SRRM4: variants seen among roughly 807,000 people sequenced by gnomAD.
SRRM4 encodes serine/arginine repetitive matrix 4, also known as serine/arginine repetitive matrix protein 4.
Under a neutral mutation model 68.9 loss-of-function variants are expected in SRRM4, and 33 were observed. The ratio of observed to expected loss-of-function variants is 0.48; its 90% CI spans 0.36 to 0.64. The LOEUF (loss-of-function observed/expected upper bound fraction) is 0.64, where lower values mean the gene tolerates loss of function less well. Among genes scored for constraint, SRRM4 ranks in the 30% least tolerant of loss-of-function variants. The pLI is 0.00. For missense variants in SRRM4, 817 were observed against 827.1 expected (o/e 0.99, Z 0.15); for synonymous variants, 318 against 318.8 (o/e 1.00, Z 0.03).
At chr12:119,005,016 C>T (rs941313978) in intron 1 of SRRM4, among the ~76,000 whole-genome samples, 2 of 152,216 alleles carry the variant, frequency 1.3e-5, no homozygotes, top group South Asian at 4.1e-4. Context: ...GTTCCTGTGG[C>T]TTCAGATTTC....
intron 1 of SRRM4, among the ~76,000 whole-genome samples, chr12:119,071,727 T>C (rs962058156): frequency 1.3e-5 from 2 of 152,198 alleles, no homozygotes; most frequent in Non-Finnish European, 2.9e-5. Flanking sequence ...TCCCACCTCT[T>C]GTGTGGCTTC....
intron 1 of SRRM4, among the ~76,000 whole-genome samples, chr12:119,063,064 A>G (rs966221295): frequency 2.0e-5 from 3 of 152,222 alleles, no homozygotes; most frequent in African/African-American, 4.8e-5. Context: ...TCAGCCATTT[A>G]ACTTCAATGG....
intron 8 of SRRM4, chr12:119,133,181 T>C (rs1954308372): frequency 6.6e-6 from 1 of 152,196 alleles, no homozygotes; most frequent in African/African-American, 2.4e-5. Context: ...CCTCATAAGA[T>C]TGTTATGAGA....
chr12:118,985,791 A>G (rs1449846189), intron 1 of SRRM4, among the ~76,000 whole-genome samples: 1 of 152,226 alleles, frequency 6.6e-6, no homozygotes, highest in East Asian at 1.9e-4. Context: ...TTAAGGCTAG[A>G]TCAAGCCACA....
intron 1 of SRRM4, among the ~76,000 whole-genome samples, chr12:118,989,128 T>C (rs528440244): frequency 1.2e-3 from 177 of 151,884 alleles, no homozygotes; most frequent in African/African-American, 4.2e-3. Context: ...GGTCCTGGGC[T>C]GGGGGCAGGA....
intron 1 of SRRM4, among the ~76,000 whole-genome samples, chr12:119,045,860 A>T (rs1243435970): frequency 6.6e-6 from 1 of 151,848 alleles, no homozygotes; most frequent in Non-Finnish European, 1.5e-5. Context: ...CAATATGGTA[A>T]AACCCCATCT....
At chr12:119,102,452 C>A in intron 2 of SRRM4, 70 bp downstream of exon 2, 3 of 1,271,660 alleles carry the variant, frequency 2.4e-6, no homozygotes, top group Non-Finnish European at 2.2e-6. Context: ...CATGGCTCAC[C>A]CCTCTCTTAT....
intron 1 of SRRM4, among the ~76,000 whole-genome samples, chr12:119,059,935 T>C (rs1953800358): frequency 6.6e-6 from 1 of 152,064 alleles, no homozygotes; most frequent in African/African-American, 2.4e-5. Context: ...CAGTAGAAGA[T>C]TTGTGTTGAC....
intron 1 of SRRM4, among the ~76,000 whole-genome samples, chr12:119,018,635 G>C (rs1242727015): frequency 1.3e-5 from 2 of 152,036 alleles, no homozygotes; most frequent in Non-Finnish European, 2.9e-5. Flanking sequence ...AAAAGAGAGA[G>C]GTAGAGAGAA....
intron 1 of SRRM4, among the ~76,000 whole-genome samples, chr12:118,993,680 C>T (rs1171665071): frequency 1.3e-5 from 2 of 152,128 alleles, no homozygotes; most frequent in Non-Finnish European, 2.9e-5. Flanking sequence ...GTAGGGGTGG[C>T]CTCAAGATTG....
chr12:119,019,956 C>CA (rs1265869817), intron 1 of SRRM4, among the ~76,000 whole-genome samples: 44 of 79,316 alleles, frequency 5.5e-4, no homozygotes, highest in Non-Finnish European at 1.3e-3. Context: ...CGCTCCCCCC[C>CA]CCCCCAAAAA....
At position 119,017,980 on chromosome 12, in the gene SRRM4, C is replaced by T. The variant is rs551271076; in HGVS notation, c.131+35967C>T. The stretch of plus-strand genomic sequence containing the variant: ...TGAACCCCAACTTCCTCATCACTAA[C>T]GTGAGGCAGAATAATTTAGCAGGAT... On this transcript the variant is annotated intron_variant, in intron 1 of 12. Coordinates refer to ENST00000267260, the MANE Select transcript of SRRM4 (RefSeq NM_194286.4). Among the ~76,000 whole-genome samples the T allele has an allele frequency of 1.7e-3, 256 of 152,236 alleles. 2 individuals carry two copies. Among genetic ancestry groups the T allele is most frequent in the African/African-American group, 4.7e-3 (197 of 41,524 alleles).
chr12:119,085,503 C>T (rs1953974761), intron 1 of SRRM4, among the ~76,000 whole-genome samples: 1 of 152,188 alleles, frequency 6.6e-6, no homozygotes, highest in Non-Finnish European at 1.5e-5. Context: ...TTTCAGAGTA[C>T]TGCAAGGCCT....
At chr12:119,055,859 A>G (rs929711171) in intron 1 of SRRM4, among the ~76,000 whole-genome samples, 1 of 152,222 alleles carries the variant, frequency 6.6e-6, no homozygotes, top group African/African-American at 2.4e-5. Flanking sequence ...AGGAGCTAAC[A>G]CATGTAGTGG....
intron 1 of SRRM4, chr12:119,001,611 T>C (rs1187876251): frequency 6.6e-6 from 1 of 152,224 alleles, no homozygotes; most frequent in African/African-American, 2.4e-5. Context: ...GTTTCATATA[T>C]GAACCCTGTC....
chr12:119,027,288 T>C (rs1178445907), intron 1 of SRRM4, among the ~76,000 whole-genome samples: 1 of 152,214 alleles, frequency 6.6e-6, no homozygotes, highest in Admixed American at 6.5e-5. Flanking sequence ...GGGCTTTCTG[T>C]TTCTAAACTC....
rs147876884 is a variant in SRRM4 at position 119,070,030 on chromosome 12, G to A, written c.132-32206G>A. 2.4e-4 allele frequency among the ~76,000 whole-genome samples: 37 copies of A among 152,264 alleles called. 1 individual carries two copies. Among genetic ancestry groups the A allele is most frequent in the African/African-American group, 8.4e-4 (35 of 41,548 alleles). ...CCGGGGGCACTGCTAACCAGATCCA[G>A]CTGATGATTGCCTTGGGAGAGGAAT... On this transcript the variant is annotated intron_variant, in intron 1 of 12. Transcript: ENST00000267260.
At chr12:119,122,276 CAGGA>C (rs1291077232) in intron 6 of SRRM4, among the ~76,000 whole-genome samples, 156 bp downstream of exon 6, 4 of 87,650 alleles carry the variant, frequency 4.6e-5, no homozygotes, top group Non-Finnish European at 9.6e-5. Context: ...GGCAGGAAGG[CAGGA>C]AGGCAGGAAG....
intron 1 of SRRM4, among the ~76,000 whole-genome samples, chr12:119,035,701 T>C (rs1413144098): frequency 1.3e-5 from 2 of 152,200 alleles, no homozygotes; most frequent in Non-Finnish European, 2.9e-5. Context: ...TTTCCAGATT[T>C]CATAGGTGCC....
Sources: gnomAD v4.1 joint callset for allele counts (sites outside exome capture counted in the v4.1 genomes callset) on GRCh38, gnomAD v4.1.1 for gene constraint, MANE v1.5 for transcripts, NCBI Gene and HGNC (gene_info 2026-07-23, HGNC 2026-07-21) for gene names.